Variants in STPG2 observed in about 807,000 individuals in gnomAD.
The protein encoded by STPG2 is sperm-tail PG-rich repeat-containing protein 2.
In STPG2, 56 loss-of-function variants were observed where a neutral mutation model predicts 54.2. The ratio of observed to expected loss-of-function variants is 1.03; its 90% CI spans 0.83 to 1.29. The LOEUF (loss-of-function observed/expected upper bound fraction) is 1.29. Ranked by LOEUF, STPG2 falls within the 50% of genes most tolerant of loss-of-function variation. The pLI, the probability that STPG2 is intolerant of heterozygous loss-of-function variation, is 0.00. For synonymous variants in STPG2, 200 were observed against 181.8 expected, an observed-to-expected ratio of 1.10 and a Z score of -0.81; for missense variants, 596 against 544.9, an observed-to-expected ratio of 1.09 and a Z score of -0.93.
chr4:98,048,362 C>T (rs866851882), intron 5 of STPG2, among the ~76,000 whole-genome samples: 11 of 152,148 alleles, frequency 7.2e-5, no homozygotes, highest in South Asian at 4.1e-4. Context: ...AGCAACTAAT[C>T]CTATCTGAAG....
intron 10 of STPG2, among the ~76,000 whole-genome samples, chr4:97,635,254 A>G (rs1287715825): frequency 1.3e-5 from 2 of 152,218 alleles, no homozygotes; most frequent in Non-Finnish European, 2.9e-5. Context: ...TTCATAAGTG[A>G]AGGAGAAATA....
At chr4:98,064,056 T>TA (rs1186046319) in intron 5 of STPG2, among the ~76,000 whole-genome samples, 6 of 152,120 alleles carry the variant, frequency 3.9e-5, no homozygotes, top group Non-Finnish European at 8.8e-5. Context: ...TAACTCTATA[T>TA]AAAGCTATGC....
chr4:97,502,332 A>T (rs558385584), intron 4 of STPG2, among the ~76,000 whole-genome samples: 2 of 152,060 alleles, frequency 1.3e-5, no homozygotes, highest in Non-Finnish European at 2.9e-5. Context: ...AGTCAACTTC[A>T]AAAAGAAATT....
chr4:98,105,929 TGC>T (rs1334065469), intron 5 of STPG2, 22 bp downstream of exon 5: 5 of 1,528,002 alleles, frequency 3.3e-6, no homozygotes, highest in Non-Finnish European at 4.5e-6. Flanking sequence ...GGAAAATATA[TGC>T]ATTAGCCACT....
intron 10 of STPG2, among the ~76,000 whole-genome samples, chr4:97,634,041 G>A (rs564430681): frequency 4.6e-5 from 7 of 152,266 alleles, no homozygotes; most frequent in African/African-American, 1.7e-4. Flanking sequence ...TGGGGGCAGG[G>A]CACAGACAAA....
chr4:97,994,546 A>G (rs940675630), intron 5 of STPG2, among the ~76,000 whole-genome samples: 1 of 152,074 alleles, frequency 6.6e-6, no homozygotes, highest in Non-Finnish European at 1.5e-5. Context: ...TGGCTTCCTG[A>G]GACCTGAGCT....
intron 4 of STPG2, among the ~76,000 whole-genome samples, chr4:97,520,995 A>G (rs1731169251): frequency 6.6e-6 from 1 of 152,010 alleles, no homozygotes; most frequent in Non-Finnish European, 1.5e-5. Context: ...GAGTCTGAAA[A>G]TTAAGTTCAG....
At chr4:97,786,943 AC>A (rs1393196529) in intron 9 of STPG2, among the ~76,000 whole-genome samples, 1 of 152,122 alleles carries the variant, frequency 6.6e-6, no homozygotes, top group African/African-American at 2.4e-5. Context: ...ATAGGAAAAA[AC>A]ATAGTATAGT....
intron 5 of STPG2, among the ~76,000 whole-genome samples, chr4:97,997,985 T>A (rs910030239): frequency 1.3e-5 from 2 of 151,778 alleles, no homozygotes; most frequent in Non-Finnish European, 2.9e-5. Flanking sequence ...AAGAACGGAG[T>A]GCGAAAAGAA....
intron 4 of STPG2, among the ~76,000 whole-genome samples, chr4:97,546,212 A>G (rs948258664): frequency 3.3e-5 from 5 of 152,006 alleles, no homozygotes; most frequent in Non-Finnish European, 7.4e-5. Context: ...GGAAAATTAA[A>G]AAGAAAATGT....
intron 9 of STPG2, among the ~76,000 whole-genome samples, chr4:97,741,436 A>T (rs1010442134): frequency 2.5e-4 from 38 of 151,854 alleles, no homozygotes; most frequent in African/African-American, 8.9e-4. Context: ...AACCTACAAA[A>T]TGGGAGAAAA....
intron 10 of STPG2, among the ~76,000 whole-genome samples, chr4:97,649,435 CA>C (rs1203496300): frequency 6.6e-6 from 1 of 151,800 alleles, no homozygotes; most frequent in Non-Finnish European, 1.5e-5. Flanking sequence ...GTTTTTAGGG[CA>C]AAAAAATAGT....
At chr4:97,779,596 C>T (rs548544668) in intron 9 of STPG2, among the ~76,000 whole-genome samples, 16 of 152,234 alleles carry the variant, frequency 1.1e-4, no homozygotes, top group Admixed American at 2.6e-4. Flanking sequence ...CAAAGATACT[C>T]CTCAACAAGA....
chr4:97,729,689 T>C (rs1286542469), intron 9 of STPG2, among the ~76,000 whole-genome samples: 1 of 152,052 alleles, frequency 6.6e-6, no homozygotes, highest in African/African-American at 2.4e-5. Context: ...TCCAACATCA[T>C]AAACCCTCCT....
At chr4:97,641,269 A>G (rs1263014229) in intron 10 of STPG2, among the ~76,000 whole-genome samples, 1 of 151,690 alleles carries the variant, frequency 6.6e-6, no homozygotes, top group African/African-American at 2.4e-5. Context: ...AAGTTAATTT[A>G]GTTAGACTGT....
intron 8 of STPG2, among the ~76,000 whole-genome samples, chr4:97,870,488 T>C (rs1356690411): frequency 6.6e-6 from 1 of 151,454 alleles, no homozygotes; most frequent in Non-Finnish European, 1.5e-5. Context: ...GAAGCATGTA[T>C]ACCAGGCAAA....
intron 7 of STPG2, among the ~76,000 whole-genome samples, chr4:97,968,633 T>C (rs914890351): frequency 1.3e-5 from 2 of 152,028 alleles, no homozygotes; most frequent in African/African-American, 4.8e-5. Flanking sequence ...TGGTTCAACA[T>C]ATGCAAATCA....
chr4:98,096,066 G>C (rs1000543883), intron 5 of STPG2, among the ~76,000 whole-genome samples: 5 of 152,278 alleles, frequency 3.3e-5, no homozygotes, highest in Admixed American at 2.0e-4. Context: ...AATGATCAGT[G>C]AGTCAATGAA....
intron 10 of STPG2, among the ~76,000 whole-genome samples, chr4:97,575,089 G>T (rs1732691202): frequency 6.6e-6 from 1 of 151,710 alleles, no homozygotes; most frequent in Non-Finnish European, 1.5e-5. Flanking sequence ...GAATCACGAA[G>T]AAATCAAAAT....
Sources: allele counts gnomAD v4.1 joint callset (sites outside exome capture counted in the v4.1 genomes callset), GRCh38; gene constraint gnomAD v4.1.1; transcripts MANE v1.5; gene names NCBI Gene and HGNC (gene_info 2026-07-23, HGNC 2026-07-21).